The following ERG variants were observed in gnomAD, a reference collection of about 807,000 sequenced individuals.
ERG encodes ETS transcription factor ERG.
ERG carries 9 observed loss-of-function variants against 55.3 expected under a neutral mutation model. The observed-to-expected ratio is 0.16, with a 90% CI of 0.10 to 0.28. The LOEUF (loss-of-function observed/expected upper bound fraction) is 0.28, where lower values mean the gene tolerates loss of function less well. Among genes scored for constraint, ERG ranks in the 10% least tolerant of loss-of-function variants. ERG has a pLI of 1.00. For synonymous variants in ERG, 223 were observed against 237.3 expected (o/e 0.94, Z 0.55); for missense variants, 434 against 631.6 (o/e 0.69, Z 3.35).
At chr21:38,482,077 T>C (rs2059243164) in intron 1 of ERG, among the ~76,000 whole-genome samples, 3 of 152,210 alleles carry the variant, frequency 2.0e-5, no homozygotes, top group African/African-American at 7.2e-5. Context: ...CTGGAAACTG[T>C]ATTCCTGCTT....
At chr21:38,476,814 G>A (rs902025777) in intron 1 of ERG, among the ~76,000 whole-genome samples, 1 of 152,086 alleles carries the variant, frequency 6.6e-6, no homozygotes, top group African/African-American at 2.4e-5. Flanking sequence ...CAATGGCTCT[G>A]TTCATAACTC....
chr21:38,647,205 C>T (rs9976018), intron 1 of ERG, among the ~76,000 whole-genome samples: 32,285 of 152,100 alleles, frequency 0.21, 3,538 homozygotes, highest in East Asian at 0.29. Flanking sequence ...TAAACAAGGA[C>T]GACAACCAAC....
chr21:38,583,138 C>T (rs957421089), intron 1 of ERG, among the ~76,000 whole-genome samples: 9 of 152,330 alleles, frequency 5.9e-5, no homozygotes, highest in African/African-American at 2.2e-4. Flanking sequence ...TCGCTGGGTG[C>T]ACTTGTCCTG....
At chr21:38,617,580 T>C (rs1023088307) in intron 1 of ERG, among the ~76,000 whole-genome samples, 2 of 152,206 alleles carry the variant, frequency 1.3e-5, no homozygotes, top group East Asian at 3.8e-4. Flanking sequence ...ATAAATATAG[T>C]AGGCATTCTG....
intron 2 of ERG, among the ~76,000 whole-genome samples, chr21:38,435,135 C>T (rs966471426): frequency 6.6e-6 from 1 of 152,170 alleles, no homozygotes; most frequent in Non-Finnish European, 1.5e-5. Context: ...CACAAGGAGG[C>T]TGGCCCGGGA....
At chr21:38,431,464 G>A (rs1017475019) in intron 2 of ERG, among the ~76,000 whole-genome samples, 2 of 152,114 alleles carry the variant, frequency 1.3e-5, no homozygotes, top group African/African-American at 4.8e-5. Context: ...GTGAAGTTTG[G>A]GGTGGCTTAT....
chr21:38,643,371 G>A (rs1231080342), intron 1 of ERG, among the ~76,000 whole-genome samples: 1 of 152,134 alleles, frequency 6.6e-6, no homozygotes, highest in African/African-American at 2.4e-5. Context: ...CACAGCCAGT[G>A]AGCCCACGTG....
intron 1 of ERG, among the ~76,000 whole-genome samples, chr21:38,472,676 G>A (rs2059150315): frequency 1.3e-5 from 2 of 152,138 alleles, no homozygotes; most frequent in South Asian, 2.1e-4. Flanking sequence ...AGAGTCAGGA[G>A]GGAGAAAAAA....
chr21:38,585,529 C>CTT (rs1568931635), upstream of ERG, among the ~76,000 whole-genome samples: 1 of 22,684 alleles, frequency 4.4e-5, no homozygotes, highest in Non-Finnish European at 1.1e-4. Flanking sequence ...CCCTCTCTCT[C>CTT]TTCTTTTTTT....
chr21:38,516,266 A>T (rs1265970500), intron 2 of ERG, among the ~76,000 whole-genome samples: 2 of 152,026 alleles, frequency 1.3e-5, no homozygotes, highest in East Asian at 1.9e-4. Context: ...AGGTTTAATT[A>T]AAAAATTCAG....
At chr21:38,429,740 T>TACACAC (rs761791259) in intron 2 of ERG, among the ~76,000 whole-genome samples, 1 of 65,132 alleles carries the variant, frequency 1.5e-5, no homozygotes, top group Non-Finnish European at 3.9e-5. Flanking sequence ...TGTGTGTATA[T>TACACAC]ATATATACAC....
At chr21:38,593,806 A>G (rs2060115448) in intron 1 of ERG, among the ~76,000 whole-genome samples, 1 of 152,364 alleles carries the variant, frequency 6.6e-6, no homozygotes, top group East Asian at 1.9e-4. Flanking sequence ...GAGATTACAT[A>G]TAAGAGACTT....
intron 2 of ERG, among the ~76,000 whole-genome samples, chr21:38,437,702 C>T (rs2058803813): frequency 6.6e-6 from 1 of 152,130 alleles, no homozygotes; most frequent in African/African-American, 2.4e-5. Context: ...CCCATCCTCG[C>T]TTCCTCTTTT....
rs752890934 is a variant in ERG at position 38,445,583 on chromosome 21, AAAC to A, written c.54_56del (p.Leu18del). 1.7e-5 allele frequency: 27 copies of A among 1,614,024 alleles called. No individual in the cohort carries two copies. The highest frequency in any genetic ancestry group is 2.3e-5 in the Non-Finnish European group (27 of 1,180,038). On this transcript the variant is annotated inframe_deletion, in exon 2 of 10. Transcript: ENST00000288319. The stretch of plus-strand genomic sequence containing the variant: ...GGTGTGGCGTTCCGTAGGCACACTC[AAAC>A]AACGACTGGTCCTCACTCACAACTG...
intron 2 of ERG, among the ~76,000 whole-genome samples, chr21:38,550,303 C>T (rs1025123853): frequency 1.3e-5 from 2 of 152,058 alleles, no homozygotes; most frequent in African/African-American, 4.8e-5. Flanking sequence ...GCTGAGGGTC[C>T]TGGAGTAATA....
chr21:38,436,343 T>C (rs2836395), intron 2 of ERG, among the ~76,000 whole-genome samples: 29,828 of 152,118 alleles, frequency 0.2, 3,071 homozygotes, highest in South Asian at 0.3. Context: ...AGTAAGATAG[T>C]AATAAATGTT....
intron 3 of ERG, among the ~76,000 whole-genome samples, chr21:38,422,118 G>C (rs1454879913): frequency 1.3e-5 from 2 of 152,244 alleles, no homozygotes; most frequent in Non-Finnish European, 2.9e-5. Flanking sequence ...CACAGGTGGA[G>C]ACGAGAGCAA....
chr21:38,465,725 A>T (rs2059082896), intron 1 of ERG, among the ~76,000 whole-genome samples: 1 of 152,224 alleles, frequency 6.6e-6, no homozygotes, highest in South Asian at 2.1e-4. Flanking sequence ...TGAGAAATAA[A>T]GTCTATTTTT....
chr21:38,382,326 C>G lies in ERG; in HGVS notation c.*1077G>C, dbSNP rs1438823451. ...ACTGGAGGCCGCCTACCCAAAATGC[C>G]TGCGTGATTTCTGATTGTGGCAGCC... On this transcript the variant is annotated 3_prime_UTR_variant, in exon 10 of 10. Transcript: ENST00000288319. 2 of 1,057,404 alleles carry G rather than the reference C, an allele frequency of 1.9e-6. No individual in the cohort carries two copies. The highest frequency in any genetic ancestry group is 2.3e-6 in the Non-Finnish European group (2 of 874,234). The allele number at this position is 1,057,404 out of a possible 1,614,324, so 65.5% of individuals were successfully genotyped here.
Sources: gnomAD v4.1 joint callset for allele counts (sites outside exome capture counted in the v4.1 genomes callset) on GRCh38, gnomAD v4.1.1 for gene constraint, MANE v1.5 for transcripts, NCBI Gene and HGNC (gene_info 2026-07-23, HGNC 2026-07-21) for gene names.